SLC16A3: variants seen among roughly 807,000 people sequenced by gnomAD.
SLC16A3 encodes monocarboxylate transporter 4.
SLC16A3 carries 22 observed loss-of-function variants against 25.0 expected under a neutral mutation model. The observed-to-expected ratio is 0.88, with a 90% CI of 0.63 to 1.26. The LOEUF (loss-of-function observed/expected upper bound fraction) is 1.26. Among genes scored for constraint, SLC16A3 ranks in the 50% most tolerant of loss-of-function variants. The probability of loss-of-function intolerance (pLI) is 0.00; values close to 1 mark genes in which losing one functional copy is unlikely to be tolerated. For missense variants in SLC16A3, 731 were observed against 666.6 expected, an observed-to-expected ratio of 1.10 and a Z score of -1.06; for synonymous variants, 390 against 309.2, an observed-to-expected ratio of 1.26 and a Z score of -2.74.
At chr17:82,237,988 C>A (rs1264035710) in intron 4 of SLC16A3, 95 bp downstream of exon 4, 8 of 1,403,460 alleles carry the variant, frequency 5.7e-6, no homozygotes, top group Admixed American at 2.0e-5. Flanking sequence ...CGGCAGCCAC[C>A]CGCAGTGTGG....
Position 82,237,548 on chromosome 17 carries a change from G to A in SLC16A3, c.778G>A (p.Asp260Asn), listed in dbSNP as rs925029590. ...CTACGCCAAGGACCTGGGCGTGCCC[G>A]ACACCAAGGCCGCCTTCCTGCTCAC... ...VSYAKDLGVP[D>N]TKAAFLLTIL... Residue 260 changes from aspartate to asparagine, a missense_variant, in exon 4 of 5, where the codon GAC becomes AAC. Transcript: ENST00000582743. 6.8e-6 allele frequency: 11 copies of A among 1,611,174 alleles called. No homozygotes were observed. The highest frequency in any genetic ancestry group is 4.5e-5 in the East Asian group (2 of 44,820).
chr17:82,236,542 C>A, intron 2 of SLC16A3, 187 bp from the exon 3 acceptor site: 2 of 774,026 alleles, frequency 2.6e-6, no homozygotes, highest in East Asian at 5.3e-5. Flanking sequence ...CCAAGGGGCC[C>A]AGCAGGCGGC....
At chr17:82,226,611 G>A (rs1054549523), upstream of SLC16A3, among the ~76,000 whole-genome samples, 1 of 152,172 alleles carries the variant, frequency 6.6e-6, no homozygotes, top group Non-Finnish European at 1.5e-5. Flanking sequence ...GTGGTATTCC[G>A]TGCCCAGGTG....
rs938180266 is a variant in SLC16A3 at position 82,237,606 on chromosome 17, C to T, written c.836C>T (p.Pro279Leu). Reference protein sequence around the residue: ...ILGFIDIFARPAAGFVAGLGK... With the variant: ...ILGFIDIFARLAAGFVAGLGK... ...GGCTTCATTGACATCTTCGCGCGGC[C>T]GGCCGCGGGCTTCGTGGCGGGGCTT... Residue 279 changes from proline (P) to leucine (L), a missense_variant, in exon 4 of 5, where the codon CCG (proline) becomes CTG (leucine). Transcript: ENST00000582743. The T allele has an allele frequency of 1.9e-5, 30 of 1,612,426 alleles. No homozygotes were observed. In the Middle Eastern group the frequency reaches 4.9e-4, roughly 27 times the overall value.
At chr17:82,228,067 C>T (rs2050438572), upstream of SLC16A3, among the ~76,000 whole-genome samples, 1 of 152,208 alleles carries the variant, frequency 6.6e-6, no homozygotes, top group South Asian at 2.1e-4. Flanking sequence ...CCTCGGTCCC[C>T]GAAGCCCCCG....
rs148780830 is a variant in SLC16A3 at position 82,237,719 on chromosome 17, G to T, written c.949G>T (p.Asp317Tyr). ...GGACCTGGCGGGTTCTACGGCGGGC[G>T]ACTACGGCGGCCTCGTGGTCTTCTG... ...LADLAGSTAG[D>Y]YGGLVVFCIF... Residue 317 changes from aspartate (D) to tyrosine (Y), a missense_variant, in exon 4 of 5, where the codon GAC (aspartate) becomes TAC (tyrosine). Physicochemically the swap from Asp to Tyr is radical, Grantham distance 160. Transcript: ENST00000582743. 6.3e-5 allele frequency: 101 copies of T among 1,611,782 alleles called. No homozygotes were observed. Among genetic ancestry groups the T allele is most frequent in the Non-Finnish European group, 8.1e-5 (96 of 1,179,668 alleles).
intron 1 of SLC16A3, among the ~76,000 whole-genome samples, chr17:82,219,253 G>A (rs947903317): frequency 1.3e-5 from 2 of 152,138 alleles, no homozygotes; most frequent in Admixed American, 6.5e-5. Context: ...GGGCCTGCAG[G>A]TCTGAGGCAC....
At chr17:82,226,460 C>T (rs147683334), upstream of SLC16A3, among the ~76,000 whole-genome samples, 4 of 152,288 alleles carry the variant, frequency 2.6e-5, no homozygotes, top group East Asian at 7.7e-4. Flanking sequence ...CACCCCTTCC[C>T]GCAGCTCCAG....
chr17:82,237,006 C>T, intron 3 of SLC16A3, 132 bp from the exon 4 acceptor site: 1 of 1,454,432 alleles, frequency 6.9e-7, no homozygotes, highest in Non-Finnish European at 9.2e-7. Flanking sequence ...TCGTTGTCCC[C>T]CTCTCGAGTG....
chr17:82,220,037 G>T (rs888341788), intron 1 of SLC16A3, among the ~76,000 whole-genome samples: 2 of 152,156 alleles, frequency 1.3e-5, no homozygotes, highest in African/African-American at 4.8e-5. Context: ...GGTTGGGGGG[G>T]CTCTCAGGGC....
At chr17:82,234,105 G>A (rs1402096813) in intron 1 of SLC16A3, 39 of 152,230 alleles carry the variant, frequency 2.6e-4, no homozygotes, top group Non-Finnish European at 5.1e-4. Flanking sequence ...CCCCCAAAGT[G>A]CTGGGATTAC....
intron 1 of SLC16A3, among the ~76,000 whole-genome samples, chr17:82,222,299 G>A (rs1474569496): frequency 7.1e-6 from 1 of 140,626 alleles, no homozygotes; most frequent in East Asian, 2.3e-4. Flanking sequence ...TCGTGGAGAC[G>A]AGTGTCGCCC....
chr17:82,236,578 T>C (rs1362024790), intron 2 of SLC16A3, 151 bp from the exon 3 acceptor site: 1 of 1,151,400 alleles, frequency 8.7e-7, no homozygotes, highest in East Asian at 2.4e-5. Flanking sequence ...TGGCCTGCGC[T>C]CGGGGAGCCT....
chr17:82,222,589 A>T (rs989725658), intron 1 of SLC16A3, among the ~76,000 whole-genome samples: 7 of 152,182 alleles, frequency 4.6e-5, no homozygotes, highest in African/African-American at 1.7e-4. Flanking sequence ...GCCTCACCTG[A>T]GGTCAGGAGT....
chr17:82,237,200 C>T lies in SLC16A3; in HGVS notation c.430C>T (p.Arg144Trp), dbSNP rs760723680. ...CATGCTGAACCGCTACTTCAGCAAGCGGCGCCCCATGGCCAACGGGCTGGC... is the reference window on the plus strand; with the variant it reads ...CATGCTGAACCGCTACTTCAGCAAGTGGCGCCCCATGGCCAACGGGCTGGC... Reference protein sequence around the residue: ...LIMLNRYFSKRRPMANGLAAA... With the variant: ...LIMLNRYFSKWRPMANGLAAA... Residue 144 changes from arginine to tryptophan, a missense_variant, in exon 4 of 5, where the codon CGG (arginine) becomes TGG (tryptophan). By Grantham distance (101) the Arg-to-Trp change is moderately radical. Transcript: ENST00000582743. The T allele has an allele frequency of 8.0e-5, 122 of 1,533,306 alleles. 1 individual carries two copies. The highest frequency in any genetic ancestry group is 4.1e-4 in the South Asian group (33 of 80,278). 95.0% of individuals were successfully genotyped at this position (1,533,306 alleles called of 1,614,324 possible).
chr17:82,225,014 C>T (rs917639741), upstream of SLC16A3, among the ~76,000 whole-genome samples: 1 of 152,192 alleles, frequency 6.6e-6, no homozygotes, highest in Non-Finnish European at 1.5e-5. Context: ...ATGTATTTTT[C>T]TGACTTTGGG....
At position 82,239,946 on chromosome 17, in the gene SLC16A3, TG is replaced by T; in HGVS notation, c.*973del. On this transcript the variant is annotated 3_prime_UTR_variant, in exon 5 of 5. Transcript: ENST00000582743. ...CGTGGCCAGCAGTGGCCTGCGTGGCTGGGAGCCCGGTCAGAGGCCGCCGGGG... is the reference window on the plus strand; with the variant it reads ...CGTGGCCAGCAGTGGCCTGCGTGGCTGGAGCCCGGTCAGAGGCCGCCGGGG... The T allele has an allele frequency of 8.2e-7, 1 of 1,214,354 alleles. No individual in the cohort carries two copies. Among genetic ancestry groups the T allele is most frequent in the Non-Finnish European group, 1.0e-6 (1 of 970,316 alleles). The allele number at this position is 1,214,354 out of a possible 1,614,324, so 75.2% of individuals were successfully genotyped here.
intron 1 of SLC16A3, among the ~76,000 whole-genome samples, chr17:82,219,857 C>T (rs1164755147): frequency 1.3e-5 from 2 of 152,178 alleles, no homozygotes; most frequent in Non-Finnish European, 2.9e-5. Context: ...GCCTCCATGG[C>T]AGACCCAGGG....
At chr17:82,219,617 G>T (rs1294611715) in intron 1 of SLC16A3, among the ~76,000 whole-genome samples, 1 of 152,074 alleles carries the variant, frequency 6.6e-6, no homozygotes, top group Non-Finnish European at 1.5e-5. Context: ...CTGAGCAGGG[G>T]GTTCTGGGGC....
Sources: gnomAD v4.1 joint callset for allele counts (sites outside exome capture counted in the v4.1 genomes callset) on GRCh38, gnomAD v4.1.1 for gene constraint, MANE v1.5 for transcripts, NCBI Gene and HGNC (gene_info 2026-07-23, HGNC 2026-07-21) for gene names.